The following TSC22D4 variants were observed in gnomAD, a reference collection of about 807,000 sequenced individuals.
TSC22D4 encodes TSC22 domain family member 4.
A neutral mutation model predicts 24.9 loss-of-function variants in TSC22D4; 5 were observed. The observed-to-expected ratio is 0.20, with a 90% CI of 0.10 to 0.42. The LOEUF is 0.42. TSC22D4 is among the 10% of genes least tolerant of loss of function. The pLI, the probability that TSC22D4 is intolerant of heterozygous loss-of-function variation, is 1.00. For synonymous variants in TSC22D4, 245 were observed against 243.2 expected (o/e 1.01, Z -0.07); for missense variants, 469 against 547.9 (o/e 0.86, Z 1.44).
At chr7:100,475,247 C>T (rs543974499) in intron 2 of TSC22D4, among the ~76,000 whole-genome samples, 2 of 152,322 alleles carry the variant, frequency 1.3e-5, no homozygotes, top group South Asian at 2.1e-4. Context: ...TCACACCTGG[C>T]TAATTTTTTT....
chr7:100,467,245 G>A (rs771253560), intron 4 of TSC22D4, 77 bp from the exon 5 acceptor site: 7 of 1,446,586 alleles, frequency 4.8e-6, no homozygotes, highest in Non-Finnish European at 5.8e-6. Flanking sequence ...GGGCTGGGGT[G>A]GGAGACAGTC....
Position 100,477,484 on chromosome 7 carries a change from T to C in TSC22D4, c.555A>G (p.Pro185=). The C allele has an allele frequency of 6.4e-7, 1 of 1,552,370 alleles. No individual in the cohort carries two copies. The highest frequency in any genetic ancestry group is 8.7e-7 in the Non-Finnish European group (1 of 1,150,818). ...GCTGCTGGGGTGAGGAGGCCGACAG[T>C]GGGGGTTTCTCTGCCTTGGCTTTGC... ...VPSKAKAEKP[P]LSASSPQQRP... The change falls in exon 2 of 5, where the codon CCA becomes CCG. Residue 185 remains proline (P), a synonymous_variant. Coordinates refer to ENST00000300181, the MANE Select transcript of TSC22D4 (RefSeq NM_030935.5). The surrounding 1 kb of genome is among the most constrained non-coding windows in gnomAD (Gnocchi z 7.8).
intron 3 of TSC22D4, chr7:100,467,927 C>T (rs754319951): frequency 1.8e-6 from 1 of 551,518 alleles, no homozygotes; most frequent in Non-Finnish European, 3.6e-6. Flanking sequence ...TTGACAGAGA[C>T]CCCTGGCTGG....
Position 100,466,999 on chromosome 7 carries a change from G to A in TSC22D4, c.1148C>T (p.Pro383Leu). 6.2e-7 allele frequency: 1 copy of A among 1,600,662 alleles called. No homozygotes were observed. The highest frequency in any genetic ancestry group is 1.1e-5 in the South Asian group (1 of 89,808). ...ATTGGGCGCAGGGGGCCCAAGCCGT[G>A]GGACCCCCGAGGAGGGCAGCTGAGC... ...QLAQLPSSGV[P>L]RLGPPAPNGP... The change falls in exon 5 of 5, where the codon CCA (proline) becomes CTA (leucine). Residue 383 changes from proline to leucine, a missense_variant. Coordinates refer to ENST00000300181, the MANE Select transcript of TSC22D4 (RefSeq NM_030935.5).
chr7:100,471,193 A>C (rs956486375), intron 3 of TSC22D4, among the ~76,000 whole-genome samples: 2 of 112,204 alleles, frequency 1.8e-5, no homozygotes, highest in African/African-American at 6.9e-5. Flanking sequence ...GCTGTCCCGG[A>C]TCTGTGGTGT....
At chr7:100,467,465 T>C in intron 4 of TSC22D4, 87 bp downstream of exon 4, 1 of 1,436,308 alleles carries the variant, frequency 7.0e-7, no homozygotes, top group Non-Finnish European at 9.8e-7. Context: ...GGAGTTGGTG[T>C]TCCCTGGTAA....
In TSC22D4 at chr7:100,478,243, G is replaced by C. The variant is rs1486791801; in HGVS notation, c.-205C>G. 1 of 556,154 alleles carries C rather than the reference G, an allele frequency of 1.8e-6. No individual in the cohort carries two copies. Among genetic ancestry groups the C allele is most frequent in the Non-Finnish European group, 3.2e-6 (1 of 313,708 alleles). The allele number at this position is 556,154 out of a possible 1,614,324, so 34.5% of individuals were successfully genotyped here. ...GAAGAGGAGAGGGGAGGTGGCGGGA[G>C]GGGGGAGCAGGGGCAGGTTTTTCCT... is the stretch of plus-strand genomic sequence containing the variant. On this transcript the variant is annotated 5_prime_UTR_variant, in exon 2 of 5. Coordinates refer to ENST00000300181, the MANE Select transcript of TSC22D4 (RefSeq NM_030935.5).
At chr7:100,468,113 C>G (rs376662204) in intron 3 of TSC22D4, 6 of 349,772 alleles carry the variant, frequency 1.7e-5, no homozygotes, top group African/African-American at 8.8e-5. Context: ...CACCACCCCC[C>G]CAAGGGCAAG....
At chr7:100,467,648 GGT>G (rs1276132501) in intron 3 of TSC22D4, 48 bp from the exon 4 acceptor site, 1 of 1,589,398 alleles carries the variant, frequency 6.3e-7, no homozygotes, top group Non-Finnish European at 8.6e-7. Context: ...AGCCTTCCCA[GGT>G]GCTGGTTTCT....
At chr7:100,467,689 C>T in intron 3 of TSC22D4, 89 bp from the exon 4 acceptor site, 1 of 1,261,752 alleles carries the variant, frequency 7.9e-7, no homozygotes, top group Non-Finnish European at 1.2e-6. Flanking sequence ...CCACACCCCC[C>T]TGTACCTGTG....
rs1201241764 is a variant in TSC22D4 at position 100,477,091 on chromosome 7, G to A, written c.762+186C>T. On this transcript the variant is annotated intron_variant, in intron 2 of 4. Transcript: ENST00000300181. The surrounding 1 kb of genome is among the most constrained non-coding windows in gnomAD (Gnocchi z 7.8). ...AGAGGGTGCAGAAAAACAGGAAGGA[G>A]GCTGAGACAGAAAATGAAGTAGGAG... Among the ~76,000 whole-genome samples, 1 of 152,074 alleles carries A rather than the reference G, an allele frequency of 6.6e-6. No individual in the cohort carries two copies. The highest frequency in any genetic ancestry group is 2.4e-5 in the African/African-American group (1 of 41,402).
chr7:100,475,597 C>T (rs935671982), intron 2 of TSC22D4, among the ~76,000 whole-genome samples: 14 of 152,178 alleles, frequency 9.2e-5, no homozygotes, highest in African/African-American at 3.4e-4. Flanking sequence ...ATCCCCTCAC[C>T]CACCCCCCAC....
At chr7:100,469,361 A>G (rs1394873747) in intron 3 of TSC22D4, among the ~76,000 whole-genome samples, 1 of 152,004 alleles carries the variant, frequency 6.6e-6, no homozygotes, top group Non-Finnish European at 1.5e-5. Flanking sequence ...CAGGGCTTGG[A>G]AGAGGGCTGG....
chr7:100,469,442 A>G (rs1294347150), intron 3 of TSC22D4, among the ~76,000 whole-genome samples: 2 of 152,072 alleles, frequency 1.3e-5, no homozygotes, highest in Admixed American at 1.3e-4. Flanking sequence ...GCCTGGCTCA[A>G]CAGCCCCCAG....
At position 100,475,678 on chromosome 7, in the gene TSC22D4, G is replaced by C. The variant is rs533857137; in HGVS notation, c.763-1238C>G. ...TCCTGCGCTCTGCCCTAGGGTTGGG[G>C]GGGGAGCTGGTTGTGGAGCTGGGGG... On this transcript the variant is annotated intron_variant, in intron 2 of 4. Coordinates refer to ENST00000300181, the MANE Select transcript of TSC22D4 (RefSeq NM_030935.5). Among the ~76,000 whole-genome samples the C allele has an allele frequency of 1.6e-4, 24 of 152,072 alleles. No homozygotes were observed. The East Asian group carries it at 2.9e-3, about 18-fold the overall frequency.
Position 100,474,459 on chromosome 7 carries a change from G to A in TSC22D4, c.763-19C>T, listed in dbSNP as rs1386859613. 1.2e-6 allele frequency: 2 copies of A among 1,613,108 alleles called. No individual in the cohort carries two copies. Among genetic ancestry groups the A allele is most frequent in the East Asian group, 2.2e-5 (1 of 44,866 alleles). On this transcript the variant is annotated intron_variant, in intron 2 of 4. Coordinates refer to ENST00000300181, the MANE Select transcript of TSC22D4 (RefSeq NM_030935.5). This position sits in a 1 kb window ranked among gnomAD's most constrained non-coding sequence, Gnocchi z 4.3. ...GGGGCACCTGGAGGCGGAGAGGTAGGAACCATCACATGAAAAGAGAAAAGA... is the reference window on the plus strand; with the variant it reads ...GGGGCACCTGGAGGCGGAGAGGTAGAAACCATCACATGAAAAGAGAAAAGA...
chr7:100,478,878 A>G lies in TSC22D4; in HGVS notation c.-354T>C, dbSNP rs532465717. 5 of 152,226 alleles carry G rather than the reference A, an allele frequency of 3.3e-5. No homozygotes were observed. The East Asian group carries it at 9.8e-4, about 30-fold the overall frequency. 9.4% of individuals were successfully genotyped at this position (152,226 alleles called of 1,614,324 possible). A position where few individuals can be genotyped will look rare whatever the true frequency, so the allele number is the denominator to read the frequency against. ...GTCCGTTCCCTGGGGCCTCCTGGCCATGGGCAGTGGCGGGGCACGCAGGCG... is the reference window on the plus strand; with the variant it reads ...GTCCGTTCCCTGGGGCCTCCTGGCCGTGGGCAGTGGCGGGGCACGCAGGCG... On this transcript the variant is annotated 5_prime_UTR_variant, in exon 1 of 5. It removes an upstream start codon present in the reference 5' UTR. Transcript: ENST00000300181.
intron 3 of TSC22D4, among the ~76,000 whole-genome samples, chr7:100,472,917 C>T (rs981137978): frequency 1.8e-4 from 27 of 152,100 alleles, no homozygotes; most frequent in Non-Finnish European, 5.9e-5. Context: ...CCCACTCACC[C>T]ACTCTCGAAG....
chr7:100,476,726 T>G (rs1182807989), intron 2 of TSC22D4, among the ~76,000 whole-genome samples: 1 of 152,066 alleles, frequency 6.6e-6, no homozygotes, highest in South Asian at 2.1e-4. Context: ...CTGAGAGGTG[T>G]TCCCCCCACC....
Sources: gnomAD v4.1 joint callset for allele counts (sites outside exome capture counted in the v4.1 genomes callset) on GRCh38, gnomAD v4.1.1 for gene constraint, Gnocchi (gnomAD v3.1) non-coding constraint, MANE v1.5 for transcripts, NCBI Gene and HGNC (gene_info 2026-07-23, HGNC 2026-07-21) for gene names.